Variants in ALCAM observed in about 807,000 individuals in gnomAD.
ALCAM encodes CD166 antigen.
Under a neutral mutation model 70.9 loss-of-function variants are expected in ALCAM, and 30 were observed. The ratio of observed to expected loss-of-function variants is 0.42; its 90% CI spans 0.32 to 0.57. The LOEUF (loss-of-function observed/expected upper bound fraction) is 0.57, where lower values mean the gene tolerates loss of function less well. ALCAM is among the 20% of genes least tolerant of loss of function. The pLI is 0.11. For missense variants in ALCAM, 591 were observed against 695.1 expected, an observed-to-expected ratio of 0.85 and a Z score of 1.68; for synonymous variants, 249 against 242.5, an observed-to-expected ratio of 1.03 and a Z score of -0.25.
intron 1 of ALCAM, among the ~76,000 whole-genome samples, chr3:105,456,117 T>G (rs890999250): frequency 8.6e-5 from 13 of 152,044 alleles, no homozygotes; most frequent in Middle Eastern, 6.8e-3. Context: ...AACAAAAAAG[T>G]AGGTGTAAAT....
chr3:105,557,362 A>G (rs763780544), intron 14 of ALCAM, among the ~76,000 whole-genome samples: 8 of 152,128 alleles, frequency 5.3e-5, no homozygotes, highest in Non-Finnish European at 1.0e-4. Flanking sequence ...CAGAGTCTCC[A>G]TCTAGTCAAT....
intron 11 of ALCAM, among the ~76,000 whole-genome samples, 199 bp from the exon 12 acceptor site, chr3:105,549,928 A>T (rs1278898372): frequency 6.6e-6 from 1 of 151,418 alleles, no homozygotes; most frequent in African/African-American, 2.4e-5. Context: ...AAGAAACATA[A>T]ACAGAAATTT....
intron 1 of ALCAM, among the ~76,000 whole-genome samples, chr3:105,475,156 ATTGTC>A (rs2152605026): frequency 6.6e-6 from 1 of 151,950 alleles, no homozygotes; most frequent in Non-Finnish European, 1.5e-5. Context: ...ATTTGCTTAC[ATTGTC>A]AATAGGCTAA....
intron 14 of ALCAM, among the ~76,000 whole-genome samples, chr3:105,562,793 T>A (rs915160758): frequency 1.3e-5 from 2 of 152,166 alleles, no homozygotes; most frequent in Non-Finnish European, 2.9e-5. Context: ...TGTAAATTTT[T>A]AAATTAATTA....
At chr3:105,551,504 T>C (rs1220043352) in intron 12 of ALCAM, among the ~76,000 whole-genome samples, 1 of 151,732 alleles carries the variant, frequency 6.6e-6, no homozygotes, top group Non-Finnish European at 1.5e-5. Context: ...GCAGTTCCGA[T>C]GCATGCCCAT....
intron 1 of ALCAM, among the ~76,000 whole-genome samples, chr3:105,376,208 G>T (rs985468624): frequency 6.6e-6 from 1 of 152,056 alleles, no homozygotes; most frequent in East Asian, 1.9e-4. Context: ...AGGGTTGTTG[G>T]AAAAATGAGA....
intron 1 of ALCAM, among the ~76,000 whole-genome samples, chr3:105,474,979 T>C (rs1185806143): frequency 3.3e-5 from 5 of 151,686 alleles, no homozygotes; most frequent in Admixed American, 2.6e-4. Context: ...AGCAGCTCAA[T>C]TTGAGCAAAA....
intron 15 of ALCAM, among the ~76,000 whole-genome samples, chr3:105,573,680 A>G (rs1336321525): frequency 1.3e-5 from 2 of 152,198 alleles, no homozygotes; most frequent in African/African-American, 4.8e-5. Flanking sequence ...AAGCAAATAG[A>G]AGAGCCATTT....
chr3:105,570,335 T>C (rs1292334674), intron 14 of ALCAM, among the ~76,000 whole-genome samples: 1 of 152,100 alleles, frequency 6.6e-6, no homozygotes, highest in Non-Finnish European at 1.5e-5. Context: ...AGAAAAAGAA[T>C]TATATCTTTC....
At chr3:105,478,368 C>G (rs1242116672) in intron 1 of ALCAM, among the ~76,000 whole-genome samples, 1 of 152,066 alleles carries the variant, frequency 6.6e-6, no homozygotes, top group African/African-American at 2.4e-5. Flanking sequence ...AGTTTATTTA[C>G]AGAATTTTAT....
chr3:105,532,003 G>T lies in ALCAM; in HGVS notation c.396G>T (p.Lys132Asn), dbSNP rs1357676381. ...AAATCTTTCTCTGCTTAACTTTAGA[G>T]CAACCATCTAAACCTGAAATTGTAA... ...FEAPTIVKVF[K>N]QPSKPEIVSK... Residue 132 changes from lysine to asparagine, a missense_variant and splice_region_variant, in exon 4 of 16, where the codon AAG (lysine) becomes AAT (asparagine). By Grantham distance (94) the Lys-to-Asn change is moderately conservative. Around this residue, in one of 2 missense-constraint regions of ALCAM, gnomAD observed 427 missense variants for 450.4 expected, o/e 0.95. Coordinates refer to ENST00000306107, the MANE Select transcript of ALCAM (RefSeq NM_001627.4). 14 of 1,612,864 alleles carry T rather than the reference G, an allele frequency of 8.7e-6. No individual in the cohort carries two copies. The highest frequency in any genetic ancestry group is 1.2e-5 in the Non-Finnish European group (14 of 1,179,384).
chr3:105,567,557 C>T (rs1374176365), intron 14 of ALCAM, among the ~76,000 whole-genome samples: 2 of 152,052 alleles, frequency 1.3e-5, no homozygotes, highest in African/African-American at 4.8e-5. Flanking sequence ...TTTCTTGTGC[C>T]ACCTCTAATC....
rs1207304914 is a variant in ALCAM at position 105,575,861 on chromosome 3, G to GA, written c.*1414dup. 1 of 152,000 alleles carries GA rather than the reference G, an allele frequency of 6.6e-6. No individual in the cohort carries two copies. Among genetic ancestry groups the GA allele is most frequent in the Non-Finnish European group, 1.5e-5 (1 of 67,978 alleles). The allele number at this position is 152,000 out of a possible 1,614,324, so 9.4% of individuals were successfully genotyped here. ...AGAACTATGTTATTGAAAGGAAAAG[G>GA]AAAACTGGTGTTTGTTTCTTAGACT... is the stretch of plus-strand genomic sequence containing the variant. On this transcript the variant is annotated 3_prime_UTR_variant, in exon 16 of 16. Transcript: ENST00000306107.
intron 14 of ALCAM, among the ~76,000 whole-genome samples, chr3:105,553,349 C>A (rs1316405713): frequency 6.6e-6 from 1 of 151,798 alleles, no homozygotes; most frequent in African/African-American, 2.4e-5. Flanking sequence ...GGGGTTCCAG[C>A]ATCTGCACTT....
At chr3:105,487,695 A>C (rs1295023431) in intron 1 of ALCAM, among the ~76,000 whole-genome samples, 1 of 152,200 alleles carries the variant, frequency 6.6e-6, no homozygotes, top group Non-Finnish European at 1.5e-5. Flanking sequence ...CTTAAGAGTA[A>C]GTATAGGGTC....
chr3:105,370,810 G>C (rs1437493457), intron 1 of ALCAM, among the ~76,000 whole-genome samples: 1 of 151,780 alleles, frequency 6.6e-6, no homozygotes, highest in African/African-American at 2.4e-5. Flanking sequence ...AGGATAGTAG[G>C]CCTCAGAAAG....
chr3:105,523,817 C>T (rs1377341255), intron 2 of ALCAM, among the ~76,000 whole-genome samples: 1 of 152,172 alleles, frequency 6.6e-6, no homozygotes, highest in East Asian at 1.9e-4. Flanking sequence ...AGGTCAGCTA[C>T]ATCAGTTTTG....
chr3:105,528,941 C>T (rs1328604967), intron 3 of ALCAM, among the ~76,000 whole-genome samples: 4 of 152,208 alleles, frequency 2.6e-5, no homozygotes, highest in Non-Finnish European at 5.9e-5. Context: ...GTTCAAGATA[C>T]TGGCACATAC....
intron 1 of ALCAM, among the ~76,000 whole-genome samples, chr3:105,400,544 A>G (rs1054172137): frequency 1.3e-5 from 2 of 152,198 alleles, no homozygotes; most frequent in Non-Finnish European, 2.9e-5. Context: ...TAAATTTAGA[A>G]GAGTAATACA....
Sources: allele counts gnomAD v4.1 joint callset (sites outside exome capture counted in the v4.1 genomes callset), GRCh38; gene constraint gnomAD v4.1.1; regional missense constraint gnomAD v4.1.1; transcripts MANE v1.5; gene names NCBI Gene and HGNC (gene_info 2026-07-23, HGNC 2026-07-21).